HSD11B1: variants seen among roughly 807,000 people sequenced by gnomAD.
The protein encoded by HSD11B1 is 11-beta-hydroxysteroid dehydrogenase 1.
Under a neutral mutation model 22.1 loss-of-function variants are expected in HSD11B1, and 15 were observed. The ratio of observed to expected loss-of-function variants is 0.68; its 90% confidence interval spans 0.45 to 1.04. The LOEUF is 1.04. HSD11B1 is among the 50% of genes least tolerant of loss of function. HSD11B1 has a pLI of 0.00. For synonymous variants in HSD11B1, 122 were observed against 125.2 expected (o/e 0.97, Z 0.17); for missense variants, 281 against 357.6 (o/e 0.79, Z 1.73).
intron 4 of HSD11B1, among the ~76,000 whole-genome samples, chr1:209,710,987 G>C (rs763151324): frequency 2.6e-5 from 4 of 152,162 alleles, no homozygotes; most frequent in African/African-American, 7.2e-5. Flanking sequence ...CAGGCACTTT[G>C]AGTTGAGTTG....
At position 209,704,960 on chromosome 1, in the gene HSD11B1, A is replaced by T. The variant is rs2076847512; in HGVS notation, c.18A>T (p.Lys6Asn). The T allele has an allele frequency of 6.2e-7, 1 of 1,613,850 alleles. No homozygotes were observed. Among genetic ancestry groups the T allele is most frequent in the East Asian group, 2.2e-5 (1 of 44,878 alleles). ...CCTGTCGGATGGCTTTTATGAAAAA[A>T]TATCTCCTCCCCATTCTGGGGCTCT... The part of the protein sequence containing the change: MAFMK[K>N]YLLPILGLFM... The change falls in exon 1 of 6, where the codon AAA becomes AAT. Residue 6 changes from lysine to asparagine, a missense_variant. Physicochemically the swap from Lys to Asn is moderately conservative, Grantham distance 94. Transcript: ENST00000367027.
In HSD11B1 at chr1:209,715,570, A is replaced by G. The variant is rs114892487; in HGVS notation, c.517+8442A>G. On this transcript the variant is annotated intron_variant, in intron 4 of 5. Coordinates refer to ENST00000367027, the MANE Select transcript of HSD11B1 (RefSeq NM_005525.4). Reference sequence around the variant, plus strand: ...TAATAGGCACACATTACCAGGACACAGAGGCCAACTTTAAAGGGATCCCAC... The same window carrying G: ...TAATAGGCACACATTACCAGGACACGGAGGCCAACTTTAAAGGGATCCCAC... Among the ~76,000 whole-genome samples the G allele has an allele frequency of 7.2e-3, 1,095 of 152,334 alleles. 8 individuals carry two copies. Among genetic ancestry groups the G allele is most frequent in the African/African-American group, 0.024 (1,003 of 41,566 alleles).
At chr1:209,722,821 T>C (rs963790645) in intron 4 of HSD11B1, among the ~76,000 whole-genome samples, 3 of 152,194 alleles carry the variant, frequency 2.0e-5, no homozygotes, top group African/African-American at 7.2e-5. Context: ...TTTCAATCCT[T>C]GTGCACTCCC....
At chr1:209,711,622 A>G (rs1307890792) in intron 4 of HSD11B1, among the ~76,000 whole-genome samples, 1 of 152,070 alleles carries the variant, frequency 6.6e-6, no homozygotes, top group Non-Finnish European at 1.5e-5. Context: ...GAGGTGAGGT[A>G]TGTGTTTGTG....
intron 1 of HSD11B1, among the ~76,000 whole-genome samples, chr1:209,694,653 A>C (rs182875622): frequency 1.7e-3 from 252 of 152,346 alleles, no homozygotes; most frequent in Middle Eastern, 3.4e-3. Context: ...TGTGCTGATC[A>C]GTTGTGGTGT....
In HSD11B1 at chr1:209,732,517, A is replaced by G; in HGVS notation, c.599A>G (p.Glu200Gly). Residue 200 changes from glutamate to glycine, a missense_variant, in exon 5 of 6, where the codon GAA (glutamate) becomes GGA (glycine). Transcript: ENST00000367027. ...LDGFFSSIRK[E>G]YSVSRVNVSI... Reference sequence around the variant, plus strand: ...GGGTTCTTCTCCTCCATCAGAAAGGAATATTCAGTGTCCAGGGTCAATGTA... The same window carrying G: ...GGGTTCTTCTCCTCCATCAGAAAGGGATATTCAGTGTCCAGGGTCAATGTA... 3.1e-6 allele frequency: 5 copies of G among 1,613,978 alleles called. No individual in the cohort carries two copies. The highest frequency in any genetic ancestry group is 4.2e-6 in the Non-Finnish European group (5 of 1,179,886).
At position 209,732,441 on chromosome 1, in the gene HSD11B1, G is replaced by A; in HGVS notation, c.523G>A (p.Val175Met). 1.2e-6 allele frequency: 2 copies of A among 1,614,136 alleles called. No individual in the cohort carries two copies. Among genetic ancestry groups the A allele is most frequent in the Non-Finnish European group, 1.7e-6 (2 of 1,180,002 alleles). The change falls in exon 5 of 6, where the codon GTG (valine) becomes ATG (methionine). Residue 175 changes from valine (V) to methionine (M), a missense_variant. Transcript: ENST00000367027. ...IVVVSSLAGK[V>M]AYPMVAAYSA... ...TTCTTTAATCTGTCATTTAGGGAAA[G>A]TGGCTTATCCAATGGTTGCTGCCTA... is the stretch of plus-strand genomic sequence containing the variant.
chr1:209,719,793 C>T (rs752405859), intron 4 of HSD11B1, among the ~76,000 whole-genome samples: 3 of 152,216 alleles, frequency 2.0e-5, no homozygotes, highest in African/African-American at 4.8e-5. Flanking sequence ...GCTTAATCCA[C>T]TCTATCATTG....
chr1:209,698,258 T>A (rs765997045), intron 1 of HSD11B1, among the ~76,000 whole-genome samples: 36 of 152,288 alleles, frequency 2.4e-4, no homozygotes, highest in Non-Finnish European at 4.1e-4. Flanking sequence ...TAACTATTTG[T>A]CATTTATCTG....
chr1:209,707,730 T>C (rs1378165622), intron 4 of HSD11B1, among the ~76,000 whole-genome samples: 1 of 152,216 alleles, frequency 6.6e-6, no homozygotes, highest in East Asian at 1.9e-4. Context: ...CTTGAGAGGC[T>C]GCTGGAGGTA....
Position 209,719,019 on chromosome 1 carries a change from CAAAAAA to C in HSD11B1, c.517+11903_517+11908del, listed in dbSNP as rs56342028. On this transcript the variant is annotated intron_variant, in intron 4 of 5. Coordinates refer to ENST00000367027, the MANE Select transcript of HSD11B1 (RefSeq NM_005525.4). Reference sequence around the variant, plus strand: ...TGGGTGACACAGTGAGACTCCATCTCAAAAAAAAAAAAAAAAAGGAAAGAAAAGAAA... The same window carrying C: ...TGGGTGACACAGTGAGACTCCATCTCAAAAAAAAAAAGGAAAGAAAAGAAA... Among the ~76,000 whole-genome samples the C allele has an allele frequency of 6.8e-3, 243 of 35,710 alleles. 10 individuals are homozygous for C. The Middle Eastern group carries it at 0.12, about 18-fold the overall frequency. 23.4% of individuals were successfully genotyped at this position (35,710 alleles called of 152,430 possible).
chr1:209,712,147 G>A (rs998163092), intron 4 of HSD11B1, among the ~76,000 whole-genome samples: 6 of 152,170 alleles, frequency 3.9e-5, no homozygotes, highest in Non-Finnish European at 7.4e-5. Context: ...AACACAAATA[G>A]AAAACTAGGT....
chr1:209,716,580 A>G (rs1163796735), intron 4 of HSD11B1, among the ~76,000 whole-genome samples: 1 of 152,166 alleles, frequency 6.6e-6, no homozygotes, highest in Non-Finnish European at 1.5e-5. Context: ...AAAAAACCTA[A>G]AATTTGTAGG....
intron 4 of HSD11B1, among the ~76,000 whole-genome samples, chr1:209,718,764 G>A (rs1430072176): frequency 6.6e-6 from 1 of 152,066 alleles, no homozygotes; most frequent in Non-Finnish European, 1.5e-5. Flanking sequence ...GGCCGGGTGT[G>A]GTGGCTCATG....
chr1:209,710,219 C>T (rs1461337434), intron 4 of HSD11B1, among the ~76,000 whole-genome samples: 1 of 152,154 alleles, frequency 6.6e-6, no homozygotes, highest in Non-Finnish European at 1.5e-5. Context: ...CAAAATAGGT[C>T]ATCTTAGGTT....
chr1:209,726,492 G>A lies in HSD11B1; in HGVS notation c.518-5944G>A, dbSNP rs2077003476. ...ACAGTGGCATGCATCTGTAATCCCA[G>A]CAACTCAGGAGGCTGGGGTGGGAGG... is the stretch of plus-strand genomic sequence containing the variant. On this transcript the variant is annotated intron_variant, in intron 4 of 5. Coordinates refer to ENST00000367027, the MANE Select transcript of HSD11B1 (RefSeq NM_005525.4). 2.0e-5 allele frequency among the ~76,000 whole-genome samples: 3 copies of A among 152,216 alleles called. No individual in the cohort carries two copies. The South Asian group carries it at 6.2e-4, about 32-fold the overall frequency.
intron 4 of HSD11B1, among the ~76,000 whole-genome samples, chr1:209,729,369 C>T (rs1476236922): frequency 6.6e-6 from 1 of 151,220 alleles, no homozygotes; most frequent in Admixed American, 6.6e-5. Flanking sequence ...GGAAAACACA[C>T]ACACACACAC....
intron 1 of HSD11B1, among the ~76,000 whole-genome samples, chr1:209,696,122 TCTA>T (rs1397831193): frequency 6.6e-6 from 1 of 152,240 alleles, no homozygotes; most frequent in Non-Finnish European, 1.5e-5. Flanking sequence ...GTTGTGTAGT[TCTA>T]CTAATATAAA....
At chr1:209,686,548 C>G (rs1045475111) in intron 1 of HSD11B1, among the ~76,000 whole-genome samples, 2 of 152,188 alleles carry the variant, frequency 1.3e-5, no homozygotes, top group African/African-American at 4.8e-5. Flanking sequence ...GCACTGACAG[C>G]ATTCTGATCA....
Sources: allele counts gnomAD v4.1 joint callset (sites outside exome capture counted in the v4.1 genomes callset), GRCh38; gene constraint gnomAD v4.1.1; transcripts MANE v1.5; gene names NCBI Gene and HGNC (gene_info 2026-07-23, HGNC 2026-07-21).